Variants in STIM2 observed in about 807,000 individuals in gnomAD.
STIM2 encodes stromal interaction molecule 2.
STIM2 carries 31 observed loss-of-function variants against 85.8 expected under a neutral mutation model. The ratio of observed to expected loss-of-function variants is 0.36; its 90% CI spans 0.27 to 0.49. STIM2 has a LOEUF of 0.49. STIM2 is among the 20% of genes least tolerant of loss of function. The probability of loss-of-function intolerance (pLI) is 0.98; values close to 1 mark genes in which losing one functional copy is unlikely to be tolerated. For missense variants in STIM2, 841 were observed against 927.6 expected (o/e 0.91, Z 1.21); for synonymous variants, 356 against 331.1 (o/e 1.08, Z -0.82).
At chr4:26,993,312 G>T (rs1401025842) in intron 3 of STIM2, among the ~76,000 whole-genome samples, 2 of 152,138 alleles carry the variant, frequency 1.3e-5, no homozygotes, top group Non-Finnish European at 2.9e-5. Flanking sequence ...AGCAGCCTCA[G>T]GCCCATGTCC....
At chr4:26,964,635 G>A (rs946715957) in intron 3 of STIM2, among the ~76,000 whole-genome samples, 1 of 151,916 alleles carries the variant, frequency 6.6e-6, no homozygotes, top group Non-Finnish European at 1.5e-5. Context: ...TTGGAGGGGG[G>A]GTTTATTTAA....
At chr4:26,938,961 G>A (rs188617718) in intron 2 of STIM2, among the ~76,000 whole-genome samples, 4 of 151,982 alleles carry the variant, frequency 2.6e-5, no homozygotes, top group African/African-American at 7.2e-5. Context: ...GTTTTGAGCC[G>A]TGGAAGCTGA....
intron 1 of STIM2, among the ~76,000 whole-genome samples, chr4:26,906,986 A>T (rs1185995549): frequency 6.6e-6 from 1 of 150,760 alleles, no homozygotes; most frequent in Non-Finnish European, 1.5e-5. Flanking sequence ...AAAAAAAAGA[A>T]TATGCAGAAA....
intron 3 of STIM2, among the ~76,000 whole-genome samples, chr4:26,983,567 T>G (rs533147886): frequency 1.2e-4 from 18 of 152,288 alleles, no homozygotes; most frequent in African/African-American, 4.1e-4. Flanking sequence ...GCCTTGAAAA[T>G]ATTTCTACCA....
chr4:26,995,028 C>T (rs973708334), intron 3 of STIM2, among the ~76,000 whole-genome samples: 2 of 151,972 alleles, frequency 1.3e-5, no homozygotes, highest in Non-Finnish European at 2.9e-5. Context: ...AGAATGTTTT[C>T]GGTATTACAA....
chr4:27,020,915 C>G, intron 11 of STIM2: 1 of 1,240,176 alleles, frequency 8.1e-7, no homozygotes. Flanking sequence ...CAGCTCTGTT[C>G]CCTTCTCACA....
chr4:26,955,908 C>G (rs1196286603), intron 2 of STIM2, among the ~76,000 whole-genome samples: 1 of 152,052 alleles, frequency 6.6e-6, no homozygotes, highest in Non-Finnish European at 1.5e-5. Flanking sequence ...ATTTTGCTCC[C>G]AAGGTTGTTG....
In STIM2 at chr4:27,023,702, C is replaced by T. The variant is rs952101123; in HGVS notation, c.*706C>T. The T allele has an allele frequency of 6.6e-6, 1 of 152,530 alleles. No homozygotes were observed. The highest frequency in any genetic ancestry group is 1.5e-5 in the Non-Finnish European group (1 of 68,028). 9.4% of individuals were successfully genotyped at this position (152,530 alleles called of 1,614,324 possible). Reference sequence around the variant, plus strand: ...TGTAAAGATCATGTTGTTTTGTTTTCCCCAGGGCTTTCACTGTGATTTACT... The same window carrying T: ...TGTAAAGATCATGTTGTTTTGTTTTTCCCAGGGCTTTCACTGTGATTTACT... On this transcript the variant is annotated 3_prime_UTR_variant, in exon 12 of 12. Transcript: ENST00000467087.
At chr4:27,005,843 A>G (rs1173412202) in intron 7 of STIM2, among the ~76,000 whole-genome samples, 2 of 152,248 alleles carry the variant, frequency 1.3e-5, no homozygotes, top group African/African-American at 2.4e-5. Flanking sequence ...AAATACATTT[A>G]TGGAAATATT....
chr4:26,967,633 GTGAC>G (rs772874698), intron 3 of STIM2, among the ~76,000 whole-genome samples: 23 of 152,170 alleles, frequency 1.5e-4, no homozygotes, highest in Admixed American at 1.2e-3. Flanking sequence ...TGTGAATCCT[GTGAC>G]TGATTTTGCT....
At chr4:26,863,267 G>A (rs77165439) in intron 1 of STIM2, among the ~76,000 whole-genome samples, 426 of 152,254 alleles carry the variant, frequency 2.8e-3, no homozygotes, top group African/African-American at 9.6e-3. Flanking sequence ...AAGTTTGCTA[G>A]AAGAATACCC....
intron 3 of STIM2, 66 bp from the exon 4 acceptor site, chr4:26,995,313 T>G: frequency 1.2e-6 from 1 of 827,386 alleles, no homozygotes; most frequent in Non-Finnish European, 1.9e-6. Context: ...TTCTCTGAAA[T>G]TATAGAATAT....
chr4:27,006,490 C>A (rs751482153), intron 7 of STIM2, among the ~76,000 whole-genome samples: 2 of 152,174 alleles, frequency 1.3e-5, no homozygotes, highest in Non-Finnish European at 2.9e-5. Context: ...TCGCTCGTAG[C>A]TTTGCCTCAA....
chr4:26,957,375 A>G (rs773456685), intron 2 of STIM2, among the ~76,000 whole-genome samples: 5 of 152,180 alleles, frequency 3.3e-5, no homozygotes, highest in Non-Finnish European at 5.9e-5. Flanking sequence ...AATAATAAAC[A>G]TTGACTAAGT....
At chr4:26,893,240 C>A (rs1039155827) in intron 1 of STIM2, among the ~76,000 whole-genome samples, 1 of 152,190 alleles carries the variant, frequency 6.6e-6, no homozygotes, top group South Asian at 2.1e-4. Context: ...TCATCAACAC[C>A]CCTAGAAGTT....
At chr4:26,964,083 A>G (rs893010686) in intron 3 of STIM2, among the ~76,000 whole-genome samples, 4 of 152,256 alleles carry the variant, frequency 2.6e-5, no homozygotes, top group Non-Finnish European at 5.9e-5. Flanking sequence ...TTGCAAACTC[A>G]TATTGCTGGA....
At chr4:26,907,433 G>A (rs1724173332) in intron 1 of STIM2, among the ~76,000 whole-genome samples, 2 of 152,100 alleles carry the variant, frequency 1.3e-5, no homozygotes, top group Non-Finnish European at 2.9e-5. Context: ...GCTTTTACGT[G>A]AAGGCTTTTT....
intron 1 of STIM2, among the ~76,000 whole-genome samples, chr4:26,898,834 T>C (rs1723803069): frequency 6.6e-6 from 1 of 152,190 alleles, no homozygotes. Flanking sequence ...AAATTCATTT[T>C]CTGTCTGCAG....
chr4:26,978,353 A>G (rs937179065), intron 3 of STIM2, among the ~76,000 whole-genome samples: 13 of 150,130 alleles, frequency 8.7e-5, no homozygotes, highest in African/African-American at 3.2e-4. Flanking sequence ...CCCAGTTAAG[A>G]AATAATTGAT....
Sources: allele counts gnomAD v4.1 joint callset (sites outside exome capture counted in the v4.1 genomes callset), GRCh38; gene constraint gnomAD v4.1.1; transcripts MANE v1.5; gene names NCBI Gene and HGNC (gene_info 2026-07-23, HGNC 2026-07-21).